Variants in DEFB121 observed in about 807,000 individuals in gnomAD.
DEFB121 encodes the protein beta-defensin 121.
Under a neutral mutation model 2.5 loss-of-function variants are expected in DEFB121, and 5 were observed. That is an observed-to-expected ratio of 1.96 (90% confidence interval 1.03 to 4.13). DEFB121 has a LOEUF of 4.13. DEFB121 is among the 30% of genes most tolerant of loss of function. The pLI, the probability that DEFB121 is intolerant of heterozygous loss-of-function variation, is 0.00. For synonymous variants in DEFB121, 39 were observed against 32.6 expected (o/e 1.20, Z -0.67); for missense variants, 87 against 85.0 (o/e 1.02, Z -0.09).
chr20:31,418,184 C>T, the DEFB121 span, among the ~76,000 whole-genome samples: 1 of 133,786 alleles, frequency 7.5e-6, no homozygotes, highest in African/African-American at 2.7e-5. Context: ...GGCGTGAACC[C>T]GGGAGGCGGA....
chr20:31,416,843 T>A (rs1030230972), upstream of DEFB121, among the ~76,000 whole-genome samples: 1 of 152,162 alleles, frequency 6.6e-6, no homozygotes, highest in African/African-American at 2.4e-5. Flanking sequence ...GTCTTTTTTT[T>A]CCTAGGCTTA....
chr20:31,415,400 C>G (rs771351809), upstream of DEFB121, among the ~76,000 whole-genome samples: 3 of 151,700 alleles, frequency 2.0e-5, no homozygotes, highest in Non-Finnish European at 4.4e-5. Context: ...CAGGCACCAG[C>G]CACCATGCCT....
chr20:31,406,651 C>A (rs1175248365), upstream of DEFB121, among the ~76,000 whole-genome samples: 1 of 152,078 alleles, frequency 6.6e-6, no homozygotes, highest in Non-Finnish European at 1.5e-5. Flanking sequence ...ATGGCCATCA[C>A]CACTGGAAAC....
chr20:31,417,562 A>G (rs1368805240), upstream of DEFB121, among the ~76,000 whole-genome samples: 1 of 152,166 alleles, frequency 6.6e-6, no homozygotes, highest in Non-Finnish European at 1.5e-5. Flanking sequence ...AAATTATCAA[A>G]GAAATAAGTA....
Position 31,404,860 on chromosome 20 carries a change from T to TA in DEFB121, c.*52dup. 6.3e-7 allele frequency: 1 copy of TA among 1,589,544 alleles called. No homozygotes were observed. Among genetic ancestry groups the TA allele is most frequent in the Non-Finnish European group, 8.6e-7 (1 of 1,168,740 alleles). On this transcript the variant is annotated 3_prime_UTR_variant, in exon 2 of 2. Transcript: ENST00000376314. ...AAACAGGGTGTTGCCAAGAATGATTTAATAGAACTGCAGGATCCCATGATG... is the reference window on the plus strand; with the variant it reads ...AAACAGGGTGTTGCCAAGAATGATTTAAATAGAACTGCAGGATCCCATGATG...
At chr20:31,410,471 A>G (rs775860742), upstream of DEFB121, among the ~76,000 whole-genome samples, 60 of 152,324 alleles carry the variant, frequency 3.9e-4, 1 homozygote, top group Non-Finnish European at 6.5e-4. Flanking sequence ...GGAGTTGCCT[A>G]TGTGAGAGAT....
At chr20:31,417,393 A>G (rs1174791030), upstream of DEFB121, among the ~76,000 whole-genome samples, 1 of 152,144 alleles carries the variant, frequency 6.6e-6, no homozygotes, top group Admixed American at 6.6e-5. Flanking sequence ...CTTAGAAATT[A>G]AAAGTACAAA....
chr20:31,416,475 C>A (rs1255300065), upstream of DEFB121, among the ~76,000 whole-genome samples: 4 of 152,182 alleles, frequency 2.6e-5, no homozygotes, highest in Non-Finnish European at 5.9e-5. Context: ...ATTTGAAAAA[C>A]CTTAGTTTTG....
upstream of DEFB121, among the ~76,000 whole-genome samples, chr20:31,407,092 T>C (rs1057274487): frequency 1.3e-5 from 2 of 151,820 alleles, no homozygotes; most frequent in Non-Finnish European, 2.9e-5. Flanking sequence ...CAAAAAAAAA[T>C]ACAAAAAATT....
intron 1 of DEFB121, 72 bp downstream of exon 1, chr20:31,406,023 C>G (rs1156576727): frequency 6.4e-7 from 1 of 1,559,798 alleles, no homozygotes; most frequent in Non-Finnish European, 8.8e-7. Flanking sequence ...CCCAACCTGT[C>G]AGAGTCCCCA....
At chr20:31,409,964 A>G (rs1256312516), upstream of DEFB121, among the ~76,000 whole-genome samples, 4 of 152,168 alleles carry the variant, frequency 2.6e-5, no homozygotes, top group Non-Finnish European at 5.9e-5. Flanking sequence ...GGGAACTTTC[A>G]GAGTGATGAA....
upstream of DEFB121, among the ~76,000 whole-genome samples, chr20:31,413,218 G>T (rs191042082): frequency 9.1e-4 from 139 of 152,326 alleles, 2 homozygotes; most frequent in East Asian, 0.023. Context: ...GTTCAAGAGG[G>T]TTTCTGTCCC....
At chr20:31,411,002 A>T (rs1228829815), upstream of DEFB121, among the ~76,000 whole-genome samples, 1 of 152,206 alleles carries the variant, frequency 6.6e-6, no homozygotes, top group Non-Finnish European at 1.5e-5. Flanking sequence ...AAAGAACTCC[A>T]TCATAGCCCT....
chr20:31,414,827 G>C (rs745561416), upstream of DEFB121, among the ~76,000 whole-genome samples: 1 of 152,278 alleles, frequency 6.6e-6, no homozygotes, highest in Admixed American at 6.5e-5. Context: ...GAGGCAGGAG[G>C]ATCCCTTGAG....
intron 1 of DEFB121, among the ~76,000 whole-genome samples, chr20:31,405,861 G>A (rs992796895): frequency 1.6e-4 from 24 of 152,084 alleles, no homozygotes; most frequent in Non-Finnish European, 3.1e-4. Context: ...AGGTCATCAC[G>A]TTCAGCTTTT....
chr20:31,407,438 C>T (rs1174264400), upstream of DEFB121, among the ~76,000 whole-genome samples: 1 of 152,124 alleles, frequency 6.6e-6, no homozygotes, highest in Admixed American at 6.6e-5. Flanking sequence ...CGGTTGTAAG[C>T]CTAGGTTTTA....
chr20:31,414,935 A>C (rs1248686970), upstream of DEFB121, among the ~76,000 whole-genome samples: 1 of 152,136 alleles, frequency 6.6e-6, no homozygotes, highest in East Asian at 1.9e-4. Flanking sequence ...CTATAGTCCC[A>C]GCTACTCAGG....
intron 1 of DEFB121, among the ~76,000 whole-genome samples, chr20:31,405,525 T>C (rs927772117): frequency 6.6e-6 from 1 of 152,210 alleles, no homozygotes; most frequent in Admixed American, 6.5e-5. Context: ...TTAACATCTG[T>C]AAGTCTTCTA....
chr20:31,416,201 C>A (rs951803153), upstream of DEFB121, among the ~76,000 whole-genome samples: 2 of 152,142 alleles, frequency 1.3e-5, no homozygotes, highest in Non-Finnish European at 2.9e-5. Context: ...GCTGGGACTA[C>A]AGGTGTGCGC....
Sources: allele counts gnomAD v4.1 joint callset (sites outside exome capture counted in the v4.1 genomes callset), GRCh38; gene constraint gnomAD v4.1.1; transcripts MANE v1.5; gene names NCBI Gene and HGNC (gene_info 2026-07-23, HGNC 2026-07-21).